Variants in EML2 observed in about 807,000 individuals in gnomAD.
The protein encoded by EML2 is EMAP like 2.
A neutral mutation model predicts 84.7 loss-of-function variants in EML2; 59 were observed. The ratio of observed to expected loss-of-function variants is 0.70; its 90% confidence interval spans 0.56 to 0.86. The LOEUF is 0.86. EML2 is among the 40% of genes least tolerant of loss of function. The pLI is 0.00. For missense variants in EML2, 818 were observed against 855.6 expected, an observed-to-expected ratio of 0.96 and a Z score of 0.55; for synonymous variants, 352 against 348.9, an observed-to-expected ratio of 1.01 and a Z score of -0.10.
At position 45,624,751 on chromosome 19, in the gene EML2, T is replaced by G. The variant is rs750171168; in HGVS notation, c.809A>C (p.Asp270Ala). ...CCAAACATAGAGGTTCCCCCCAGAG[T>G]CCCCCGTGACCACGTCGCCACCTTC... ...FLEGGDVVTG[D>A]SGGNLYVWGK... The change falls in exon 9 of 19, where the codon GAC becomes GCC. Residue 270 changes from aspartate to alanine, a missense_variant. Physicochemically the swap from Asp to Ala is moderately radical, Grantham distance 126. Transcript: ENST00000245925. 6.2e-7 allele frequency: 1 copy of G among 1,613,478 alleles called. No individual in the cohort carries two copies. Among genetic ancestry groups the G allele is most frequent in the South Asian group, 1.1e-5 (1 of 91,000 alleles).
Position 45,609,774 on chromosome 19 carries a change from C to G in EML2, c.1839G>C (p.Lys613Asn), listed in dbSNP as rs748076682. Residue 613 changes from lysine (K) to asparagine (N), a missense_variant, in exon 19 of 19, where the codon AAG (lysine) becomes AAC (asparagine). Lys to Asn is a moderately conservative substitution (Grantham distance 94, BLOSUM62 0). Transcript: ENST00000245925. ...PCCQPRALSHKYGGHSSHVTN... is the reference protein window; with the variant it reads ...PCCQPRALSHNYGGHSSHVTN... ...TCACATGGCTGCTGTGTCCACCGTACTTGTGGCTGAGGGCCTGTTACAAGG... is the reference window on the plus strand; with the variant it reads ...TCACATGGCTGCTGTGTCCACCGTAGTTGTGGCTGAGGGCCTGTTACAAGG... 1 of 1,612,364 alleles carries G rather than the reference C, an allele frequency of 6.2e-7. No individual in the cohort carries two copies. The highest frequency in any genetic ancestry group is 8.5e-7 in the Non-Finnish European group (1 of 1,179,372).
upstream of EML2, chr19:45,641,660 A>G: frequency 6.5e-7 from 1 of 1,536,066 alleles, no homozygotes; most frequent in Non-Finnish European, 8.7e-7. Flanking sequence ...TTGGCGCTAC[A>G]GTTGCTGCTG....
chr19:45,615,632 G>A (rs1244641856), intron 16 of EML2, among the ~76,000 whole-genome samples, 170 bp downstream of exon 16: 3 of 152,078 alleles, frequency 2.0e-5, no homozygotes, highest in Non-Finnish European at 1.5e-5. Flanking sequence ...GACTAAAAGT[G>A]GGGTATACCA....
chr19:45,611,296 A>G (rs1287899559), intron 18 of EML2, among the ~76,000 whole-genome samples: 2 of 151,886 alleles, frequency 1.3e-5, no homozygotes, highest in African/African-American at 4.8e-5. Context: ...CTGTAATCCC[A>G]GCTACTCAGG....
At position 45,624,690 on chromosome 19, in the gene EML2, GGGA is replaced by G. The variant is rs746967831; in HGVS notation, c.841+26_841+28del. 4 of 1,562,486 alleles carry G rather than the reference GGGA, an allele frequency of 2.6e-6. No homozygotes were observed. The African/African-American group carries it at 5.4e-5, about 21-fold the overall frequency. ...CAGGAGTGTTTCAGAAGACTGGATT[GGGA>G]ACCAAACAGATGGGGTGACACTGAC... On this transcript the variant is annotated intron_variant, in intron 9 of 18. Coordinates refer to ENST00000245925, the MANE Select transcript of EML2 (RefSeq NM_012155.4).
At chr19:45,633,250 G>A (rs1973293100) in intron 4 of EML2, 111 bp from the exon 5 acceptor site, 4 of 1,050,556 alleles carry the variant, frequency 3.8e-6, no homozygotes, top group Admixed American at 2.0e-5. Context: ...CAATAAACGT[G>A]TATTTAGTGC....
At chr19:45,623,215 C>A (rs567452392) in intron 9 of EML2, among the ~76,000 whole-genome samples, 3 of 151,858 alleles carry the variant, frequency 2.0e-5, no homozygotes, top group Admixed American at 2.0e-4. Context: ...AAAAATTAGC[C>A]GGGTGTGGTG....
At chr19:45,611,922 A>C (rs1228340659) in intron 18 of EML2, among the ~76,000 whole-genome samples, 1 of 152,018 alleles carries the variant, frequency 6.6e-6, no homozygotes, top group East Asian at 1.9e-4. Context: ...CTCAGGCTGG[A>C]GTAAAGTGGC....
upstream of EML2, chr19:45,643,797 CA>C: frequency 4.8e-6 from 7 of 1,460,532 alleles, no homozygotes; most frequent in Non-Finnish European, 6.3e-6. Context: ...CCCTGCCCCC[CA>C]CTCAGCGCCT....
intron 7 of EML2, among the ~76,000 whole-genome samples, chr19:45,629,178 G>C (rs1972731756): frequency 1.3e-5 from 2 of 152,080 alleles, no homozygotes; most frequent in African/African-American, 4.8e-5. Context: ...TGCCCAGGCT[G>C]GAGTGTAATG....
chr19:45,639,587 A>G (rs1411542374), upstream of EML2, among the ~76,000 whole-genome samples: 1 of 152,030 alleles, frequency 6.6e-6, no homozygotes, highest in Non-Finnish European at 1.5e-5. Flanking sequence ...GGTTGAGAAC[A>G]TGGACTCGGG....
chr19:45,639,088 A>T (rs1568490736), intron 1 of EML2: 1 of 731,368 alleles, frequency 1.4e-6, no homozygotes, highest in Admixed American at 2.2e-5. Context: ...ATCGCCAAAG[A>T]TCACACAGCA....
At position 45,613,662 on chromosome 19, in the gene EML2, G is replaced by A; in HGVS notation, c.1703C>T (p.Ser568Phe). Residue 568 changes from serine (S) to phenylalanine (F), a missense_variant, in exon 18 of 19, where the codon TCT becomes TTT. Ser to Phe is a radical substitution (Grantham distance 155, BLOSUM62 -2). Coordinates refer to ENST00000245925, the MANE Select transcript of EML2 (RefSeq NM_012155.4). ...GATATCAGTGCCGTCCGCCCCCTCA[G>A]ACCAGATCCCTGTGGGCAAGATGAA... The part of the protein sequence containing the change: ...VLGFGVFGIW[S>F]EGADGTDINA... 6.2e-7 allele frequency: 1 copy of A among 1,613,224 alleles called. No individual in the cohort carries two copies. The highest frequency in any genetic ancestry group is 1.1e-5 in the South Asian group (1 of 91,050).
intron 8 of EML2, among the ~76,000 whole-genome samples, chr19:45,626,380 CTTTTTTTT>C (rs35850853): frequency 6.7e-4 from 53 of 79,452 alleles, no homozygotes; most frequent in Admixed American, 1.3e-3. Flanking sequence ...ATCCTCACAA[CTTTTTTTT>C]TTTTTTTTTT....
rs375264921 is a variant in EML2, at chr19:45,633,160, G to C, written c.330-21C>G. The C allele has an allele frequency of 6.2e-6, 10 of 1,604,476 alleles. No individual in the cohort carries two copies. In the African/African-American group the frequency reaches 1.2e-4, roughly 19 times the overall value. On this transcript the variant is annotated intron_variant, in intron 4 of 18. Transcript: ENST00000245925. The stretch of plus-strand genomic sequence containing the variant: ...CCAAGCTGCGGAAAGAAGGGACAGA[G>C]AGACCAGGGCTCAGTGGGAGAGAAG...
chr19:45,619,849 G>A (rs543806460), intron 11 of EML2, among the ~76,000 whole-genome samples: 3 of 152,224 alleles, frequency 2.0e-5, no homozygotes, highest in African/African-American at 4.8e-5. Context: ...TCAGGAGTCC[G>A]AGACCAGCCT....
chr19:45,628,026 G>A (rs188218330), intron 7 of EML2, among the ~76,000 whole-genome samples: 151 of 150,412 alleles, frequency 1.0e-3, no homozygotes, highest in Non-Finnish European at 1.8e-3. Flanking sequence ...GATCGTGCCA[G>A]TGCACTCCAG....
intron 11 of EML2, among the ~76,000 whole-genome samples, chr19:45,619,894 T>A (rs1971496761): frequency 6.6e-6 from 1 of 151,700 alleles, no homozygotes; most frequent in Non-Finnish European, 1.5e-5. Context: ...CTACAAAAAA[T>A]ACAAAAATTT....
At chr19:45,612,403 C>T (rs1970588576) in intron 18 of EML2, among the ~76,000 whole-genome samples, 2 of 152,188 alleles carry the variant, frequency 1.3e-5, no homozygotes, top group South Asian at 4.1e-4. Flanking sequence ...AGGACAGGTA[C>T]TGTGGCTCAT....
Sources: gnomAD v4.1 joint callset for allele counts (sites outside exome capture counted in the v4.1 genomes callset) on GRCh38, gnomAD v4.1.1 for gene constraint, MANE v1.5 for transcripts, NCBI Gene and HGNC (gene_info 2026-07-23, HGNC 2026-07-21) for gene names.